Variants in CAMTA1 observed in about 807,000 individuals in gnomAD.
CAMTA1 encodes calmodulin-binding transcription activator 1.
CAMTA1 carries 27 observed loss-of-function variants against 170.9 expected under a neutral mutation model. The ratio of observed to expected loss-of-function variants is 0.16; its 90% CI spans 0.12 to 0.22. The LOEUF (loss-of-function observed/expected upper bound fraction) is 0.22, where lower values mean the gene tolerates loss of function less well. Ranked by LOEUF, CAMTA1 falls within the 10% of genes least tolerant of loss-of-function variation. CAMTA1 has a pLI of 1.00. For synonymous variants in CAMTA1, 833 were observed against 891.5 expected (o/e 0.93, Z 1.17); for missense variants, 1,619 against 2,217.2 (o/e 0.73, Z 5.42).
At chr1:7,066,349 C>T (rs553597601) in intron 3 of CAMTA1, among the ~76,000 whole-genome samples, 4 of 152,332 alleles carry the variant, frequency 2.6e-5, no homozygotes, top group South Asian at 4.1e-4. Flanking sequence ...CCGGGATCTA[C>T]AGTGTGGGAC....
rs61780888 is a variant in CAMTA1, at chr1:6,858,485, T to G, written c.234+33275T>G. On this transcript the variant is annotated intron_variant, in intron 3 of 22. Transcript: ENST00000303635. ...GGTGGTGGTGGTGTGTGTGTGTGTGTTGGGGGGGGGGTGTTGTGATTGTTT... is the reference window on the plus strand; with the variant it reads ...GGTGGTGGTGGTGTGTGTGTGTGTGGTGGGGGGGGGGTGTTGTGATTGTTT... Among the ~76,000 whole-genome samples the G allele has an allele frequency of 2.5e-3, 168 of 67,800 alleles. 2 individuals carry two copies. Among genetic ancestry groups the G allele is most frequent in the Non-Finnish European group, 4.1e-3 (132 of 32,024 alleles). The allele number at this position is 67,800 out of a possible 152,430, so 44.5% of individuals were successfully genotyped here.
intron 3 of CAMTA1, among the ~76,000 whole-genome samples, chr1:7,023,901 G>A (rs1057256307): frequency 8.6e-5 from 13 of 151,696 alleles, no homozygotes; most frequent in African/African-American, 2.4e-4. Context: ...GGTGGCAGGC[G>A]CCTGTAATCC....
intron 5 of CAMTA1, among the ~76,000 whole-genome samples, chr1:7,254,976 G>A (rs1040907201): frequency 2.0e-5 from 3 of 152,214 alleles, no homozygotes; most frequent in South Asian, 2.1e-4. Context: ...GCAGGGAGGC[G>A]CTGCGTGTTT....
chr1:6,940,456 T>C (rs115914920), intron 3 of CAMTA1, among the ~76,000 whole-genome samples: 2,138 of 152,298 alleles, frequency 0.014, 53 homozygotes, highest in African/African-American at 0.048. Flanking sequence ...CCTGCTTTAC[T>C]CACCTACTGA....
At chr1:7,134,949 G>A (rs183747241) in intron 4 of CAMTA1, among the ~76,000 whole-genome samples, 8 of 152,118 alleles carry the variant, frequency 5.3e-5, no homozygotes, top group East Asian at 1.9e-4. Context: ...ATGGGCAAGC[G>A]ACATGATGAG....
chr1:7,587,981 G>T (rs961390989), intron 6 of CAMTA1, among the ~76,000 whole-genome samples: 16 of 152,148 alleles, frequency 1.1e-4, no homozygotes, highest in African/African-American at 3.6e-4. Flanking sequence ...TGGGAGAACA[G>T]GTCCTTGATC....
intron 3 of CAMTA1, among the ~76,000 whole-genome samples, chr1:6,959,599 G>T (rs1421950983): frequency 5.9e-5 from 9 of 152,328 alleles, no homozygotes; most frequent in Admixed American, 5.9e-4. Flanking sequence ...AAAGTCAGGT[G>T]CCAGGAAAGT....
At chr1:6,957,824 G>A (rs1174046341) in intron 3 of CAMTA1, among the ~76,000 whole-genome samples, 3 of 152,218 alleles carry the variant, frequency 2.0e-5, no homozygotes, top group Non-Finnish European at 4.4e-5. Flanking sequence ...CCATTATTCT[G>A]CCTGCCACAG....
At chr1:7,504,656 A>G (rs559796045) in intron 6 of CAMTA1, among the ~76,000 whole-genome samples, 47 of 152,376 alleles carry the variant, frequency 3.1e-4, no homozygotes, top group African/African-American at 1.1e-3. Flanking sequence ...GCCCACAGCC[A>G]TGTACTAGAG....
intron 11 of CAMTA1, among the ~76,000 whole-genome samples, chr1:7,715,355 G>C (rs3011938): frequency 0.94 from 143,609 of 152,022 alleles, 68,339 homozygotes; most frequent in Non-Finnish European, 1. Flanking sequence ...CAACCACTTG[G>C]GGGGGTTCTG....
At chr1:7,428,106 C>G (rs765150013) in intron 5 of CAMTA1, among the ~76,000 whole-genome samples, 1 of 152,022 alleles carries the variant, frequency 6.6e-6, no homozygotes. Flanking sequence ...CTGGCCAGCA[C>G]GCAGAAGTGC....
At chr1:7,057,219 G>T (rs1443738239) in intron 3 of CAMTA1, among the ~76,000 whole-genome samples, 1 of 152,210 alleles carries the variant, frequency 6.6e-6, no homozygotes, top group Non-Finnish European at 1.5e-5. Context: ...CCTATCTCCA[G>T]TTTTGCCTTT....
intron 6 of CAMTA1, among the ~76,000 whole-genome samples, chr1:7,545,858 C>A (rs2094684804): frequency 6.6e-6 from 1 of 151,638 alleles, no homozygotes; most frequent in African/African-American, 2.4e-5. Context: ...CACCACCAGG[C>A]CCCAGTGTGT....
intron 5 of CAMTA1, among the ~76,000 whole-genome samples, chr1:7,411,204 G>A (rs1329814559): frequency 1.3e-5 from 2 of 152,116 alleles, no homozygotes; most frequent in Non-Finnish European, 2.9e-5. Flanking sequence ...GGTTTGGAGG[G>A]GCCGCGTCGG....
intron 6 of CAMTA1, among the ~76,000 whole-genome samples, chr1:7,494,465 G>A (rs2093793054): frequency 6.6e-6 from 1 of 152,092 alleles, no homozygotes; most frequent in African/African-American, 2.4e-5. Context: ...ACCATGAGCG[G>A]GAAGCCAAGA....
chr1:7,451,551 A>G (rs2092824910), intron 5 of CAMTA1, among the ~76,000 whole-genome samples: 2 of 152,122 alleles, frequency 1.3e-5, no homozygotes, highest in South Asian at 2.1e-4. Context: ...TTACCAGAAT[A>G]CGCACTGTGT....
At position 7,248,449 on chromosome 1, in the gene CAMTA1, C is replaced by T. The variant is rs912409016; in HGVS notation, c.303-1042C>T. On this transcript the variant is annotated intron_variant, in intron 4 of 22. Transcript: ENST00000303635. The surrounding 1 kb of genome is among the most constrained non-coding windows in gnomAD (Gnocchi z 4.0). ...GCCTCGTGGTGCGCAGAATCGCTGGCATTCCTCTTCCCCTGCTGCACGTTC... is the reference window on the plus strand; with the variant it reads ...GCCTCGTGGTGCGCAGAATCGCTGGTATTCCTCTTCCCCTGCTGCACGTTC... 6.6e-6 allele frequency among the ~76,000 whole-genome samples: 1 copy of T among 152,222 alleles called. No individual in the cohort carries two copies. The highest frequency in any genetic ancestry group is 6.5e-5 in the Admixed American group (1 of 15,282).
intron 3 of CAMTA1, among the ~76,000 whole-genome samples, chr1:7,035,599 A>G (rs1173282500): frequency 2.6e-5 from 4 of 152,240 alleles, no homozygotes; most frequent in Non-Finnish European, 5.9e-5. Flanking sequence ...TTGCTCCAGC[A>G]GTGCAAATGC....
Position 6,979,853 on chromosome 1 carries a change from G to T in CAMTA1, c.235-111451G>T, listed in dbSNP as rs370672503. Among the ~76,000 whole-genome samples the T allele has an allele frequency of 2.0e-5, 3 of 151,630 alleles. No homozygotes were observed. The East Asian group carries it at 5.8e-4, about 29-fold the overall frequency. On this transcript the variant is annotated intron_variant, in intron 3 of 22. Coordinates refer to ENST00000303635, the MANE Select transcript of CAMTA1 (RefSeq NM_015215.4). Reference sequence around the variant, plus strand: ...CTGTCCTCTCATGGTGGTGTAGCTGGGGGAGAGGACCCCCGGCGTGTGCAA... The same window carrying T: ...CTGTCCTCTCATGGTGGTGTAGCTGTGGGAGAGGACCCCCGGCGTGTGCAA...
Sources: gnomAD v4.1 joint callset for allele counts (sites outside exome capture counted in the v4.1 genomes callset) on GRCh38, gnomAD v4.1.1 for gene constraint, Gnocchi (gnomAD v3.1) non-coding constraint, MANE v1.5 for transcripts, NCBI Gene and HGNC (gene_info 2026-07-23, HGNC 2026-07-21) for gene names.